CDK7: variants seen among roughly 807,000 people sequenced by gnomAD.
The protein encoded by CDK7 is cyclin dependent kinase 7.
CDK7 carries 25 observed loss-of-function variants against 49.1 expected under a neutral mutation model. The ratio of observed to expected loss-of-function variants is 0.51; its 90% CI spans 0.37 to 0.71. CDK7 has a LOEUF of 0.71. Ranked by LOEUF, CDK7 falls within the 30% of genes least tolerant of loss-of-function variation. The pLI, the probability that CDK7 is intolerant of heterozygous loss-of-function variation, is 0.00. For synonymous variants in CDK7, 107 were observed against 140.0 expected (o/e 0.76, Z 1.67); for missense variants, 316 against 411.7 (o/e 0.77, Z 2.01).
intron 2 of CDK7, among the ~76,000 whole-genome samples, chr5:69,241,314 C>CTTTTTTTTT (rs747725798): frequency 1.7e-4 from 6 of 35,220 alleles, no homozygotes; most frequent in Non-Finnish European, 2.5e-4. Flanking sequence ...TAGGTTTTTT[C>CTTTTTTTTT]TTTTTTTTTT....
intron 8 of CDK7, among the ~76,000 whole-genome samples, chr5:69,267,823 T>C (rs1421340923): frequency 2.0e-5 from 3 of 152,162 alleles, no homozygotes; most frequent in African/African-American, 7.2e-5. Flanking sequence ...TTTGTTTAAA[T>C]TACAACCTTG....
At chr5:69,259,449 C>G (rs1237136788) in intron 6 of CDK7, among the ~76,000 whole-genome samples, 1 of 152,086 alleles carries the variant, frequency 6.6e-6, no homozygotes, top group Non-Finnish European at 1.5e-5. Context: ...CATCCTCATT[C>G]TTATACATTA....
At chr5:69,261,490 C>CTGTGTGTGTGTG (rs1168767153) in intron 7 of CDK7, among the ~76,000 whole-genome samples, 27 of 139,628 alleles carry the variant, frequency 1.9e-4, no homozygotes, top group East Asian at 1.1e-3. Context: ...AAAAGGTTCT[C>CTGTGTGTGTGTG]TGTGTGTGTG....
intron 8 of CDK7, 96 bp from the exon 9 acceptor site, chr5:69,269,111 C>A: frequency 4.2e-6 from 3 of 720,138 alleles, no homozygotes; most frequent in South Asian, 3.6e-5. Flanking sequence ...CTCACTGCAG[C>A]CTGGGTGACA....
At position 69,251,279 on chromosome 5, in the gene CDK7, T is replaced by A. The variant is rs59527179; in HGVS notation, c.127-1139T>A. On this transcript the variant is annotated intron_variant, in intron 2 of 11. Coordinates refer to ENST00000256443, the MANE Select transcript of CDK7 (RefSeq NM_001799.4). The stretch of plus-strand genomic sequence containing the variant: ...TGCCTGGCTAATTTCTGTATTTTTT[T>A]AATAGAGACGGGGTTTCACCATATT... 3.6e-4 allele frequency among the ~76,000 whole-genome samples: 55 copies of A among 152,108 alleles called. No homozygotes were observed. In the East Asian group the frequency reaches 8.9e-3, roughly 25 times the overall value.
At chr5:69,249,979 T>C (rs1750033192) in intron 2 of CDK7, among the ~76,000 whole-genome samples, 1 of 152,268 alleles carries the variant, frequency 6.6e-6, no homozygotes, top group Admixed American at 6.5e-5. Flanking sequence ...TCCTTCTCTG[T>C]GTTATCTTGA....
intron 5 of CDK7, chr5:69,256,008 C>G (rs889004517): frequency 6.3e-6 from 1 of 159,842 alleles, no homozygotes; most frequent in Non-Finnish European, 1.4e-5. Context: ...TAAGTAGAGA[C>G]GGGGTGTCAC....
intron 2 of CDK7, chr5:69,250,747 G>A (rs1239120506): frequency 4.4e-6 from 2 of 456,638 alleles, no homozygotes; most frequent in Non-Finnish European, 4.4e-6. Flanking sequence ...TCAAACAGGA[G>A]TCTCTGCTGG....
intron 3 of CDK7, among the ~76,000 whole-genome samples, chr5:69,253,276 T>C (rs983430885): frequency 1.3e-5 from 2 of 152,130 alleles, no homozygotes; most frequent in African/African-American, 4.8e-5. Flanking sequence ...TTTTGTTTAT[T>C]TTTTTTGAGA....
intron 2 of CDK7, among the ~76,000 whole-genome samples, chr5:69,240,669 C>A (rs1749304716): frequency 6.6e-6 from 1 of 152,194 alleles, no homozygotes; most frequent in East Asian, 1.9e-4. Flanking sequence ...CCCTCTGTCG[C>A]CAGGCTGGAG....
At chr5:69,275,782 T>A (rs1752065757) in intron 10 of CDK7, among the ~76,000 whole-genome samples, 1 of 152,192 alleles carries the variant, frequency 6.6e-6, no homozygotes, top group Non-Finnish European at 1.5e-5. Flanking sequence ...AAGACAAGCC[T>A]GGCCAATATA....
chr5:69,257,447 C>G (rs1038143310), intron 5 of CDK7, among the ~76,000 whole-genome samples: 1 of 152,166 alleles, frequency 6.6e-6, no homozygotes. Flanking sequence ...TAACTAAGCT[C>G]CATTTTCTTC....
At chr5:69,272,123 G>C (rs1751619819) in intron 9 of CDK7, among the ~76,000 whole-genome samples, 1 of 152,040 alleles carries the variant, frequency 6.6e-6, no homozygotes. Context: ...ATGTCGAAGT[G>C]TTCCAGCAGT....
intron 2 of CDK7, among the ~76,000 whole-genome samples, chr5:69,241,221 C>G (rs1456953917): frequency 6.6e-6 from 1 of 151,694 alleles, no homozygotes; most frequent in African/African-American, 2.4e-5. Context: ...CTAGGGTTCC[C>G]TTTTCTCCAC....
intron 8 of CDK7, 115 bp from the exon 9 acceptor site, chr5:69,269,092 A>G: frequency 3.2e-6 from 2 of 629,540 alleles, no homozygotes; most frequent in Non-Finnish European, 2.8e-6. Context: ...GTGAGCCAGG[A>G]TTGCATCACT....
chr5:69,245,976 G>A (rs1749727765), intron 2 of CDK7, among the ~76,000 whole-genome samples: 1 of 151,964 alleles, frequency 6.6e-6, no homozygotes, highest in East Asian at 1.9e-4. Context: ...AAGTTTTTTA[G>A]TGGTCAGGGT....
At chr5:69,238,285 C>CTT (rs11291825) in intron 2 of CDK7, among the ~76,000 whole-genome samples, 3 of 130,020 alleles carry the variant, frequency 2.3e-5, no homozygotes, top group Non-Finnish European at 4.9e-5. Context: ...TTTTTTTTTC[C>CTT]TTTTTTTTTT....
Position 69,275,906 on chromosome 5 carries a change from C to T in CDK7, c.865-637C>T, listed in dbSNP as rs78321125. ...AATCTTGGCTTCCATCCCCAAGGTA[C>T]GTCATGTATATGCAAATATTCCACA... On this transcript the variant is annotated intron_variant, in intron 10 of 11. Coordinates refer to ENST00000256443, the MANE Select transcript of CDK7 (RefSeq NM_001799.4). Among the ~76,000 whole-genome samples the T allele has an allele frequency of 3.6e-3, 550 of 152,234 alleles. 3 individuals are homozygous for T. The highest frequency in any genetic ancestry group is 6.6e-3 in the African/African-American group (275 of 41,524).
rs545228189 is a variant in CDK7, at chr5:69,243,138, A to C, written c.126+7685A>C. On this transcript the variant is annotated intron_variant, in intron 2 of 11. Coordinates refer to ENST00000256443, the MANE Select transcript of CDK7 (RefSeq NM_001799.4). ...GGTTTCAAAAATATGCCTTTTTGGC[A>C]TGTTGATTGTTGTGAGCTGGTTATC... is the stretch of plus-strand genomic sequence containing the variant. 1.5e-4 allele frequency among the ~76,000 whole-genome samples: 23 copies of C among 152,334 alleles called. No individual in the cohort carries two copies. The South Asian group carries it at 4.8e-3, about 32-fold the overall frequency.
Sources: gnomAD v4.1 joint callset for allele counts (sites outside exome capture counted in the v4.1 genomes callset) on GRCh38, gnomAD v4.1.1 for gene constraint, MANE v1.5 for transcripts, NCBI Gene and HGNC (gene_info 2026-07-23, HGNC 2026-07-21) for gene names.